GRID2: variants seen among roughly 807,000 people sequenced by gnomAD.
The protein encoded by GRID2 is glutamate receptor ionotropic, delta-2.
Under a neutral mutation model 114.8 loss-of-function variants are expected in GRID2, and 33 were observed. That is an observed-to-expected ratio of 0.29 (90% CI 0.22 to 0.38). GRID2 has a LOEUF of 0.38. Ranked by LOEUF, GRID2 falls within the 10% of genes least tolerant of loss-of-function variation. The pLI is 1.00. For synonymous variants in GRID2, 505 were observed against 449.9 expected, an observed-to-expected ratio of 1.12 and a Z score of -1.55; for missense variants, 1,184 against 1,257.7, an observed-to-expected ratio of 0.94 and a Z score of 0.89.
chr4:93,069,257 A>G (rs7681709), intron 2 of GRID2, among the ~76,000 whole-genome samples: 1 of 120,368 alleles, frequency 8.3e-6, no homozygotes, highest in Non-Finnish European at 1.6e-5. Context: ...TATATTATAT[A>G]TGTGTGTGTG....
intron 2 of GRID2, among the ~76,000 whole-genome samples, chr4:92,786,736 A>G (rs1739340642): frequency 1.3e-5 from 2 of 151,924 alleles, no homozygotes; most frequent in Non-Finnish European, 2.9e-5. Context: ...ATTCATTATT[A>G]CTTACTCTGA....
At chr4:93,541,268 G>T (rs1445520787) in intron 13 of GRID2, among the ~76,000 whole-genome samples, 2 of 152,092 alleles carry the variant, frequency 1.3e-5, no homozygotes, top group Non-Finnish European at 2.9e-5. Context: ...AAAGTGCGCA[G>T]AAATTTTCTT....
intron 2 of GRID2, among the ~76,000 whole-genome samples, chr4:92,674,248 A>G (rs1173114518): frequency 6.6e-6 from 1 of 152,050 alleles, no homozygotes; most frequent in Non-Finnish European, 1.5e-5. Flanking sequence ...TCCTTCCTCT[A>G]GGACTTCATT....
chr4:93,625,831 C>G (rs575463469), intron 13 of GRID2, among the ~76,000 whole-genome samples: 79 of 152,262 alleles, frequency 5.2e-4, no homozygotes, highest in Middle Eastern at 6.8e-3. Flanking sequence ...AGGAGAATGG[C>G]GTGAACCCGG....
At position 93,772,223 on chromosome 4, in the gene GRID2, G is replaced by C. The variant is rs1441017741; in HGVS notation, c.2749G>C (p.Glu917Gln). The change falls in exon 16 of 16, where the codon GAG becomes CAG. Residue 917 changes from glutamate to glutamine, a missense_variant. Physicochemically the swap from Glu to Gln is conservative, Grantham distance 29 (BLOSUM62 2). Coordinates refer to ENST00000282020, the MANE Select transcript of GRID2 (RefSeq NM_001510.4). The stretch of plus-strand genomic sequence containing the variant: ...CACTTTGCCAACACGACAAGCACTG[G>C]AGCAAATCAGTGATTTCAGGAACAC... ...IDTLPTRQAL[E>Q]QISDFRNTHI... 2.5e-6 allele frequency: 4 copies of C among 1,614,010 alleles called. No homozygotes were observed. Among genetic ancestry groups the C allele is most frequent in the Non-Finnish European group, 2.5e-6 (3 of 1,179,992 alleles).
At chr4:93,081,674 A>G (rs1179947616) in intron 2 of GRID2, among the ~76,000 whole-genome samples, 3 of 152,174 alleles carry the variant, frequency 2.0e-5, no homozygotes, top group Non-Finnish European at 4.4e-5. Flanking sequence ...GTATAAATAA[A>G]TCACAAGGCT....
intron 11 of GRID2, among the ~76,000 whole-genome samples, chr4:93,477,645 C>T (rs1467076402): frequency 6.6e-6 from 1 of 152,066 alleles, no homozygotes; most frequent in Non-Finnish European, 1.5e-5. Context: ...TAAAAAAGAA[C>T]TTTGCTAATT....
intron 2 of GRID2, among the ~76,000 whole-genome samples, chr4:92,694,180 A>T (rs545141180): frequency 2.6e-5 from 4 of 152,318 alleles, no homozygotes; most frequent in Middle Eastern, 3.4e-3. Flanking sequence ...TTATTATCGG[A>T]TTGGGAAAGG....
intron 2 of GRID2, among the ~76,000 whole-genome samples, chr4:92,598,526 C>T (rs35266197): frequency 0.36 from 53,996 of 151,750 alleles, 9,657 homozygotes; most frequent in African/African-American, 0.41. Context: ...TCATTTACCT[C>T]GCAGGGAAAA....
chr4:92,665,019 A>C (rs1374588834), intron 2 of GRID2, among the ~76,000 whole-genome samples: 1 of 148,478 alleles, frequency 6.7e-6, no homozygotes, highest in Non-Finnish European at 1.5e-5. Flanking sequence ...AGCTTAATCT[A>C]CTTATGTTTA....
chr4:93,795,113 A>G (rs865931649), intron 1 of GRID2, among the ~76,000 whole-genome samples: 11 of 152,186 alleles, frequency 7.2e-5, no homozygotes, highest in African/African-American at 2.4e-4. Flanking sequence ...AGATACAATG[A>G]GCAGAATCAT....
chr4:92,703,369 T>C lies in GRID2; in HGVS notation c.244+113083T>C, dbSNP rs116845251. Among the ~76,000 whole-genome samples, 61 of 152,194 alleles carry C rather than the reference T, an allele frequency of 4.0e-4. No homozygotes were observed. The East Asian group carries it at 7.3e-3, about 18-fold the overall frequency. On this transcript the variant is annotated intron_variant, in intron 2 of 15. Coordinates refer to ENST00000282020, the MANE Select transcript of GRID2 (RefSeq NM_001510.4). Reference sequence around the variant, plus strand: ...AAGGGAAAGAACATAAAATAGTTATTATTTAAAAATACTGACTTTAAAGAA... The same window carrying C: ...AAGGGAAAGAACATAAAATAGTTATCATTTAAAAATACTGACTTTAAAGAA...
At chr4:92,741,366 C>T (rs1736886864) in intron 2 of GRID2, among the ~76,000 whole-genome samples, 1 of 152,104 alleles carries the variant, frequency 6.6e-6, no homozygotes, top group Non-Finnish European at 1.5e-5. Context: ...TAAATGTAGT[C>T]CCCCTAAACT....
In GRID2 at chr4:92,912,540, TAAAG is replaced by T. The variant is rs1182951136; in HGVS notation, c.245-172450_245-172447del. ...AAGATACCTTATTCCATAATATATA[TAAAG>T]AAAGTTGTTATTATAGTCATTACCA... On this transcript the variant is annotated intron_variant, in intron 2 of 15. Coordinates refer to ENST00000282020, the MANE Select transcript of GRID2 (RefSeq NM_001510.4). Among the ~76,000 whole-genome samples the T allele has an allele frequency of 3.3e-5, 5 of 151,804 alleles. No individual in the cohort carries two copies. In the East Asian group the frequency reaches 9.6e-4, roughly 29 times the overall value.
intron 4 of GRID2, among the ~76,000 whole-genome samples, chr4:93,181,778 C>T (rs1739920252): frequency 6.6e-6 from 1 of 152,124 alleles, no homozygotes; most frequent in African/African-American, 2.4e-5. Flanking sequence ...TTAGATTTCT[C>T]TGAACTTCTG....
At chr4:92,453,202 T>A (rs1368881450) in intron 1 of GRID2, among the ~76,000 whole-genome samples, 1 of 151,966 alleles carries the variant, frequency 6.6e-6, no homozygotes, top group East Asian at 1.9e-4. Flanking sequence ...CATCAAACAT[T>A]GAAGCAGTTC....
At chr4:92,723,507 T>C (rs557794712) in intron 2 of GRID2, among the ~76,000 whole-genome samples, 6 of 152,254 alleles carry the variant, frequency 3.9e-5, no homozygotes, top group African/African-American at 1.2e-4. Flanking sequence ...TGCCTACAGC[T>C]CAGAAACTTG....
chr4:93,333,481 T>C (rs1000540098), intron 8 of GRID2, among the ~76,000 whole-genome samples: 30 of 152,268 alleles, frequency 2.0e-4, no homozygotes, highest in African/African-American at 7.2e-4. Context: ...TTTTTTAAAA[T>C]CACATGTGGC....
chr4:92,646,888 CTTTTTTTTT>C (rs33921659), intron 2 of GRID2, among the ~76,000 whole-genome samples: 1 of 56,160 alleles, frequency 1.8e-5, no homozygotes, highest in Non-Finnish European at 3.9e-5. Flanking sequence ...TCTTTGAATT[CTTTTTTTTT>C]TTTTTTTTTT....
Sources: allele counts gnomAD v4.1 joint callset (sites outside exome capture counted in the v4.1 genomes callset), GRCh38; gene constraint gnomAD v4.1.1; transcripts MANE v1.5; gene names NCBI Gene and HGNC (gene_info 2026-07-23, HGNC 2026-07-21).